The following RAB10 variants were observed in gnomAD, a reference collection of about 807,000 sequenced individuals.
The protein encoded by RAB10 is ras-related protein Rab-10.
A neutral mutation model predicts 25.7 loss-of-function variants in RAB10; 5 were observed. That is an observed-to-expected ratio of 0.19 (90% CI 0.10 to 0.41). The LOEUF (loss-of-function observed/expected upper bound fraction) is 0.41, where lower values mean the gene tolerates loss of function less well. Among genes scored for constraint, RAB10 ranks in the 10% least tolerant of loss-of-function variants. The pLI is 1.00. For synonymous variants in RAB10, 89 were observed against 86.4 expected, an observed-to-expected ratio of 1.03 and a Z score of -0.16; for missense variants, 103 against 245.8, an observed-to-expected ratio of 0.42 and a Z score of 3.89.
At chr2:26,124,300 GTT>G (rs541418402) in intron 3 of RAB10, among the ~76,000 whole-genome samples, 1 of 130,148 alleles carries the variant, frequency 7.7e-6, no homozygotes. Context: ...AACTTTCCTA[GTT>G]TTTTTTTTTC....
Position 26,112,898 on chromosome 2 carries a change from T to A in RAB10, c.327+2992T>A, listed in dbSNP as rs1375843564. ...GAGTTTGAAACCAGTCTGGTCGACA[T>A]GGTGAAACCCTGTCTCTATGAAAAA... is the stretch of plus-strand genomic sequence containing the variant. On this transcript the variant is annotated intron_variant, in intron 3 of 5. Coordinates refer to ENST00000264710, the MANE Select transcript of RAB10 (RefSeq NM_016131.5). Among the ~76,000 whole-genome samples, 4 of 152,018 alleles carry A rather than the reference T, an allele frequency of 2.6e-5. No individual in the cohort carries two copies. In the East Asian group the frequency reaches 7.7e-4, roughly 29 times the overall value.
intron 2 of RAB10, chr2:26,101,442 G>A (rs930731639): frequency 8.5e-5 from 13 of 152,254 alleles, no homozygotes; most frequent in African/African-American, 2.9e-4. Context: ...TGAGGTGTTG[G>A]GGATGAGATA....
chr2:26,056,346 G>A (rs1417232023), intron 1 of RAB10, among the ~76,000 whole-genome samples: 7 of 151,936 alleles, frequency 4.6e-5, no homozygotes, highest in African/African-American at 1.5e-4. Flanking sequence ...CTACAGGTGC[G>A]TGCCATCACA....
intron 1 of RAB10, among the ~76,000 whole-genome samples, chr2:26,088,402 C>CA (rs1303954951): frequency 4.0e-5 from 6 of 151,780 alleles, no homozygotes; most frequent in African/African-American, 1.4e-4. Context: ...TAAGCAAAAC[C>CA]AAAAAAGGAA....
At chr2:26,086,402 A>G (rs901761501) in intron 1 of RAB10, among the ~76,000 whole-genome samples, 1 of 152,220 alleles carries the variant, frequency 6.6e-6, no homozygotes, top group African/African-American at 2.4e-5. Context: ...AACCACAATG[A>G]GGTATCATTT....
At chr2:26,037,967 A>G (rs1378129430) in intron 1 of RAB10, among the ~76,000 whole-genome samples, 1 of 150,668 alleles carries the variant, frequency 6.6e-6, no homozygotes, top group Non-Finnish European at 1.5e-5. Context: ...GCTCACTGCA[A>G]CCTCCGCCTC....
At chr2:26,070,868 T>C (rs1666610344) in intron 1 of RAB10, among the ~76,000 whole-genome samples, 1 of 152,158 alleles carries the variant, frequency 6.6e-6, no homozygotes, top group Admixed American at 6.5e-5. Context: ...GACCACCACC[T>C]AGGGAGTTTT....
chr2:26,071,458 C>T (rs1365104483), intron 1 of RAB10, among the ~76,000 whole-genome samples: 5 of 152,266 alleles, frequency 3.3e-5, no homozygotes, highest in South Asian at 2.1e-4. Context: ...GAGGCCAAGG[C>T]GGGTGGATCG....
intron 2 of RAB10, among the ~76,000 whole-genome samples, chr2:26,102,726 C>T (rs1264809159): frequency 1.3e-5 from 2 of 152,244 alleles, no homozygotes; most frequent in African/African-American, 4.8e-5. Context: ...GCGTGAGCCA[C>T]TGCCCCTGGC....
chr2:26,099,547 T>G (rs1667299134), intron 2 of RAB10, among the ~76,000 whole-genome samples: 1 of 136,824 alleles, frequency 7.3e-6, no homozygotes, highest in South Asian at 2.4e-4. Flanking sequence ...TTTTTTTTTT[T>G]TTTTTTTTTT....
At chr2:26,110,210 C>T (rs75312009) in intron 3 of RAB10, among the ~76,000 whole-genome samples, 1 of 151,862 alleles carries the variant, frequency 6.6e-6, no homozygotes, top group Non-Finnish European at 1.5e-5. Flanking sequence ...TGGTGATGTG[C>T]ACCTGTCGTC....
chr2:26,053,453 T>C (rs552905567), intron 1 of RAB10, among the ~76,000 whole-genome samples: 4 of 152,346 alleles, frequency 2.6e-5, no homozygotes, highest in Admixed American at 2.6e-4. Flanking sequence ...CTTATGCTCT[T>C]GATGGATACT....
chr2:26,063,362 A>G (rs1559582052), intron 1 of RAB10, among the ~76,000 whole-genome samples: 1 of 152,084 alleles, frequency 6.6e-6, no homozygotes, highest in African/African-American at 2.4e-5. Flanking sequence ...AATTGAACAT[A>G]TACCCTTCAT....
At chr2:26,068,485 CT>C (rs1406334170) in intron 1 of RAB10, among the ~76,000 whole-genome samples, 4 of 152,104 alleles carry the variant, frequency 2.6e-5, no homozygotes, top group African/African-American at 9.7e-5. Flanking sequence ...ACTATTTAAT[CT>C]TTAAGGATTA....
At chr2:26,089,604 A>G (rs546228843) in intron 1 of RAB10, among the ~76,000 whole-genome samples, 3 of 152,280 alleles carry the variant, frequency 2.0e-5, no homozygotes, top group African/African-American at 7.2e-5. Flanking sequence ...TGCAACAACA[A>G]ATTCTTGCCC....
At chr2:26,130,927 G>A (rs1668000640) in intron 5 of RAB10, among the ~76,000 whole-genome samples, 1 of 151,904 alleles carries the variant, frequency 6.6e-6, no homozygotes, top group Non-Finnish European at 1.5e-5. Flanking sequence ...CTAGTGAAAC[G>A]CTCTTGTCTC....
At chr2:26,046,325 CAAAG>C (rs1666002999) in intron 1 of RAB10, among the ~76,000 whole-genome samples, 1 of 133,392 alleles carries the variant, frequency 7.5e-6, no homozygotes, top group Admixed American at 7.6e-5. Flanking sequence ...AACTCCGTCT[CAAAG>C]AAAAAAAAAA....
At chr2:26,070,059 C>G (rs933325835) in intron 1 of RAB10, among the ~76,000 whole-genome samples, 2 of 152,136 alleles carry the variant, frequency 1.3e-5, no homozygotes, top group Non-Finnish European at 2.9e-5. Context: ...GTGTGTCAGT[C>G]TTAGATTTAT....
chr2:26,117,606 C>A (rs1273947484), intron 3 of RAB10, among the ~76,000 whole-genome samples: 1 of 131,706 alleles, frequency 7.6e-6, no homozygotes, highest in Admixed American at 8.8e-5. Context: ...GGCGACAGAG[C>A]GAGACTCCGT....
Sources: gnomAD v4.1 joint callset for allele counts (sites outside exome capture counted in the v4.1 genomes callset) on GRCh38, gnomAD v4.1.1 for gene constraint, MANE v1.5 for transcripts, NCBI Gene and HGNC (gene_info 2026-07-23, HGNC 2026-07-21) for gene names.